Variants in OPRM1 observed in about 807,000 individuals in gnomAD.
OPRM1 encodes opioid receptor mu 1.
In OPRM1, 27 loss-of-function variants were observed where a neutral mutation model predicts 31.8. The ratio of observed to expected loss-of-function variants is 0.85; its 90% confidence interval spans 0.63 to 1.17. The LOEUF (loss-of-function observed/expected upper bound fraction) is 1.17. OPRM1 is among the 50% of genes most tolerant of loss of function. The probability of loss-of-function intolerance (pLI) is 0.00; values close to 1 mark genes in which losing one functional copy is unlikely to be tolerated. For missense variants in OPRM1, 536 were observed against 511.1 expected, an observed-to-expected ratio of 1.05 and a Z score of -0.47; for synonymous variants, 196 against 189.9, an observed-to-expected ratio of 1.03 and a Z score of -0.26.
chr6:154,016,561 GTACTT>G (rs1334897142), intron 1 of OPRM1, among the ~76,000 whole-genome samples: 2 of 152,160 alleles, frequency 1.3e-5, no homozygotes, highest in African/African-American at 4.8e-5. Context: ...TCTTTAGAAT[GTACTT>G]TACTTTGTAT....
At chr6:154,082,499 TA>T (rs1789399532) in intron 1 of OPRM1, among the ~76,000 whole-genome samples, 1 of 152,216 alleles carries the variant, frequency 6.6e-6, no homozygotes, top group Non-Finnish European at 1.5e-5. Context: ...CTACAAAAGG[TA>T]ATTTTCTAAT....
intron 3 of OPRM1, among the ~76,000 whole-genome samples, chr6:154,100,121 CATATTATG>C (rs1794490665): frequency 1.3e-5 from 1 of 79,028 alleles, no homozygotes; most frequent in Non-Finnish European, 2.3e-5. Flanking sequence ...TATATATTAT[CATATTATG>C]ACATATAATA....
chr6:154,136,264 T>A (rs1212756368), downstream of OPRM1, among the ~76,000 whole-genome samples: 1 of 152,072 alleles, frequency 6.6e-6, no homozygotes, highest in African/African-American at 2.4e-5. Flanking sequence ...CGTCTCTATC[T>A]CCCCATCACC....
intron 3 of OPRM1, among the ~76,000 whole-genome samples, chr6:154,144,466 G>T (rs1485056048): frequency 1.3e-5 from 2 of 152,130 alleles, no homozygotes; most frequent in African/African-American, 4.8e-5. Flanking sequence ...TACAACACGG[G>T]CCGGGCATGG....
intron 3 of OPRM1, chr6:154,158,046 C>A (rs1181966776): frequency 1.3e-5 from 2 of 152,218 alleles, no homozygotes; most frequent in African/African-American, 4.8e-5. Flanking sequence ...GTACAACTTG[C>A]TTCTTGTTTT....
intron 1 of OPRM1, among the ~76,000 whole-genome samples, chr6:154,064,606 G>A (rs1388714640): frequency 6.7e-6 from 1 of 149,692 alleles, no homozygotes; most frequent in African/African-American, 2.5e-5. Flanking sequence ...TTCTCTTAAG[G>A]GTTGTATAAT....
intron 3 of OPRM1, among the ~76,000 whole-genome samples, chr6:154,184,779 A>C (rs1583735899): frequency 6.7e-6 from 1 of 150,342 alleles, no homozygotes; most frequent in Non-Finnish European, 1.5e-5. Context: ...GTATCTTTCC[A>C]GATTGAGATT....
Position 154,127,073 on chromosome 6 carries a change from C to T in OPRM1, c.*8352C>T, listed in dbSNP as rs948115433. ...GCAGTGAGCCAAGATCGCAGCATTG[C>T]ACTCCAGCCTGGGCAACAGAATGAG... is the stretch of plus-strand genomic sequence containing the variant. On this transcript the variant is annotated 3_prime_UTR_variant, in exon 4 of 4. Transcript: ENST00000330432. 1.3e-5 allele frequency among the ~76,000 whole-genome samples: 2 copies of T among 150,330 alleles called. No individual in the cohort carries two copies. Among genetic ancestry groups the T allele is most frequent in the Non-Finnish European group, 3.0e-5 (2 of 67,786 alleles).
intron 1 of OPRM1, among the ~76,000 whole-genome samples, chr6:154,071,193 C>A (rs957230094): frequency 2.0e-5 from 3 of 152,168 alleles, no homozygotes; most frequent in Admixed American, 1.3e-4. Flanking sequence ...CAGCTAAAGG[C>A]ACAGTGTGTA....
chr6:154,241,108 C>T (rs542660068), intron 3 of OPRM1, among the ~76,000 whole-genome samples: 11 of 151,824 alleles, frequency 7.2e-5, no homozygotes, highest in East Asian at 1.9e-4. Flanking sequence ...TGGTGGTGCA[C>T]GCCTGTAATC....
chr6:154,116,924 C>T (rs1796943588), intron 3 of OPRM1, among the ~76,000 whole-genome samples: 1 of 152,170 alleles, frequency 6.6e-6, no homozygotes, highest in Non-Finnish European at 1.5e-5. Context: ...GAATGCATTG[C>T]CCTTCAGGTG....
intron 1 of OPRM1, among the ~76,000 whole-genome samples, chr6:154,041,074 G>A (rs1208299489): frequency 6.6e-6 from 1 of 151,926 alleles, no homozygotes; most frequent in Non-Finnish European, 1.5e-5. Flanking sequence ...AGGTTTCAGC[G>A]GAGCTCTTAA....
chr6:154,174,814 A>G (rs1196099811), intron 3 of OPRM1, among the ~76,000 whole-genome samples: 2 of 152,354 alleles, frequency 1.3e-5, no homozygotes, highest in African/African-American at 4.8e-5. Context: ...GTTCTGAACC[A>G]AGCAGACCTA....
chr6:154,074,957 C>G (rs1410587281), intron 1 of OPRM1, among the ~76,000 whole-genome samples: 1 of 152,028 alleles, frequency 6.6e-6, no homozygotes, highest in Admixed American at 6.6e-5. Flanking sequence ...CCCCAAACAT[C>G]CTATAACTAA....
intron 3 of OPRM1, among the ~76,000 whole-genome samples, chr6:154,198,968 A>G (rs987965826): frequency 8.5e-5 from 13 of 152,246 alleles, no homozygotes; most frequent in Admixed American, 7.2e-4. Context: ...ATCAGAAAAG[A>G]TACGTCACGA....
rs373824630 is a variant in OPRM1 at position 154,110,506 on chromosome 6, T to C, written c.1165-8177T>C. The C allele has an allele frequency of 1.4e-4, 112 of 786,986 alleles. No individual in the cohort carries two copies. The African/African-American group carries it at 1.7e-3, about 12-fold the overall frequency. 48.8% of individuals were successfully genotyped at this position (786,986 alleles called of 1,614,324 possible). On this transcript the variant is annotated intron_variant, in intron 3 of 3. Transcript: ENST00000330432. ...CTAATGGAGACCATTTGTGTGAGTT[T>C]TTCATCCCATGGCTTAAGGGTTGCT...
intron 1 of OPRM1, among the ~76,000 whole-genome samples, chr6:154,033,534 G>C (rs894784930): frequency 6.6e-6 from 1 of 152,160 alleles, no homozygotes; most frequent in African/African-American, 2.4e-5. Context: ...TTCAGGGAGG[G>C]GAGGATGAGA....
chr6:154,127,624 C>T lies in OPRM1; in HGVS notation c.*8903C>T, dbSNP rs147087342. Among the ~76,000 whole-genome samples the T allele has an allele frequency of 6.6e-6, 1 of 152,282 alleles. No individual in the cohort carries two copies. Among genetic ancestry groups the T allele is most frequent in the African/African-American group, 2.4e-5 (1 of 41,576 alleles). Reference sequence around the variant, plus strand: ...GTGGGCCGGCTACAACCCTCCCCACCCCTCGCTTTCACTAAATAACAACTC... The same window carrying T: ...GTGGGCCGGCTACAACCCTCCCCACTCCTCGCTTTCACTAAATAACAACTC... On this transcript the variant is annotated 3_prime_UTR_variant, in exon 4 of 4. Coordinates refer to ENST00000330432, the MANE Select transcript of OPRM1 (RefSeq NM_000914.5).
chr6:154,024,448 GCT>G (rs1386800440), intron 1 of OPRM1, among the ~76,000 whole-genome samples: 2 of 151,402 alleles, frequency 1.3e-5, no homozygotes, highest in Non-Finnish European at 3.0e-5. Flanking sequence ...AGTTAGTCTG[GCT>G]AAAGGTTTGT....
Sources: gnomAD v4.1 joint callset for allele counts (sites outside exome capture counted in the v4.1 genomes callset) on GRCh38, gnomAD v4.1.1 for gene constraint, MANE v1.5 for transcripts, NCBI Gene and HGNC (gene_info 2026-07-23, HGNC 2026-07-21) for gene names.